MUSK: variants seen among roughly 807,000 people sequenced by gnomAD.
MUSK encodes muscle associated receptor tyrosine kinase, also known as muscle, skeletal receptor tyrosine-protein kinase.
MUSK carries 55 observed loss-of-function variants against 88.7 expected under a neutral mutation model. That is an observed-to-expected ratio of 0.62 (90% CI 0.50 to 0.78). The LOEUF (loss-of-function observed/expected upper bound fraction) is 0.78. Among genes scored for constraint, MUSK ranks in the 30% least tolerant of loss-of-function variants. The probability of loss-of-function intolerance (pLI) is 0.00; values close to 1 mark genes in which losing one functional copy is unlikely to be tolerated. For synonymous variants in MUSK, 387 were observed against 391.9 expected, an observed-to-expected ratio of 0.99 and a Z score of 0.15; for missense variants, 1,015 against 1,074.3, an observed-to-expected ratio of 0.94 and a Z score of 0.77.
intron 5 of MUSK, among the ~76,000 whole-genome samples, chr9:110,731,639 C>G (rs1001415923): frequency 6.6e-6 from 1 of 152,034 alleles, no homozygotes; most frequent in African/African-American, 2.4e-5. Flanking sequence ...CTATCTGCCC[C>G]CTTCAGGGAG....
intron 5 of MUSK, among the ~76,000 whole-genome samples, chr9:110,704,929 G>A (rs1458240027): frequency 6.7e-6 from 1 of 149,390 alleles, no homozygotes; most frequent in Non-Finnish European, 1.5e-5. Flanking sequence ...AGGTTGCAGT[G>A]AGCAGAGATT....
intron 1 of MUSK, among the ~76,000 whole-genome samples, chr9:110,681,061 A>ATATAT (rs1564209626): frequency 2.1e-4 from 5 of 24,164 alleles, no homozygotes; most frequent in East Asian, 6.1e-4. Context: ...TATATATTAT[A>ATATAT]TATATAATAT....
intron 3 of MUSK, among the ~76,000 whole-genome samples, chr9:110,689,908 TAAAA>T (rs1274848123): frequency 1.1e-5 from 1 of 88,590 alleles, no homozygotes; most frequent in Non-Finnish European, 2.0e-5. Flanking sequence ...TAAATATACA[TAAAA>T]ATACATATTT....
chr9:110,690,810 A>G (rs1197764483), intron 3 of MUSK, among the ~76,000 whole-genome samples: 1 of 119,674 alleles, frequency 8.4e-6, no homozygotes, highest in Non-Finnish European at 1.6e-5. Context: ...ATATATTTAA[A>G]TATAAGTATA....
rs1491367772 is a variant in MUSK at position 110,775,668 on chromosome 9, GCT to G, written c.1185-119_1185-118del. ...AGTAAAAAGTTTCTTTCATAAACGC[GCT>G]TTTTTCAAGAACAATTTACCATGAT... On this transcript the variant is annotated intron_variant, in intron 9 of 14. Coordinates refer to ENST00000374448, the MANE Select transcript of MUSK (RefSeq NM_005592.4). The G allele has an allele frequency of 3.3e-6, 3 of 900,796 alleles. No homozygotes were observed. The African/African-American group carries it at 5.0e-5, about 15-fold the overall frequency. The allele number at this position is 900,796 out of a possible 1,614,324, so 55.8% of individuals were successfully genotyped here.
intron 6 of MUSK, among the ~76,000 whole-genome samples, chr9:110,743,993 G>A (rs1034451128): frequency 3.3e-5 from 5 of 150,826 alleles, no homozygotes; most frequent in African/African-American, 1.2e-4. Flanking sequence ...CCCCAAGATG[G>A]AGTCTTGCTC....
intron 6 of MUSK, among the ~76,000 whole-genome samples, chr9:110,734,728 G>A (rs148014621): frequency 1.8e-3 from 269 of 152,168 alleles, no homozygotes; most frequent in African/African-American, 4.9e-3. Context: ...AAAGTAATCC[G>A]GAGTTAGAAT....
intron 7 of MUSK, among the ~76,000 whole-genome samples, chr9:110,751,883 A>G (rs976799411): frequency 6.6e-6 from 1 of 152,200 alleles, no homozygotes; most frequent in Admixed American, 6.5e-5. Flanking sequence ...GAGTCAAGTA[A>G]AGAAATGAGA....
chr9:110,688,267 CT>C (rs558638029), intron 3 of MUSK, among the ~76,000 whole-genome samples: 2 of 152,088 alleles, frequency 1.3e-5, no homozygotes, highest in South Asian at 4.2e-4. Flanking sequence ...TGCAATTACC[CT>C]AAGAAATTTT....
chr9:110,672,923 C>T (rs1427048507), intron 1 of MUSK, among the ~76,000 whole-genome samples: 1 of 152,084 alleles, frequency 6.6e-6, no homozygotes, highest in Admixed American at 6.6e-5. Context: ...TTCTTCGGGT[C>T]CAGAAAAGGA....
intron 9 of MUSK, among the ~76,000 whole-genome samples, chr9:110,774,634 G>A (rs1280828637): frequency 2.0e-5 from 3 of 152,154 alleles, no homozygotes; most frequent in Admixed American, 2.0e-4. Flanking sequence ...ACTCTCCTCA[G>A]GTCCTTTACC....
At chr9:110,679,404 G>A (rs1488020130) in intron 1 of MUSK, among the ~76,000 whole-genome samples, 1 of 151,172 alleles carries the variant, frequency 6.6e-6, no homozygotes, top group African/African-American at 2.4e-5. Flanking sequence ...CACTTTCTTT[G>A]GGATATCGTT....
intron 5 of MUSK, among the ~76,000 whole-genome samples, chr9:110,706,936 G>C (rs967236164): frequency 1.3e-5 from 2 of 152,044 alleles, no homozygotes; most frequent in African/African-American, 4.8e-5. Flanking sequence ...CCTGGGAGGT[G>C]GAGGTTGCAG....
intron 5 of MUSK, among the ~76,000 whole-genome samples, chr9:110,698,177 G>A (rs2076457993): frequency 6.6e-6 from 1 of 152,084 alleles, no homozygotes; most frequent in African/African-American, 2.4e-5. Flanking sequence ...CGAATAAACT[G>A]AGTACAAACC....
At chr9:110,789,443 G>A (rs528113884) in intron 14 of MUSK, among the ~76,000 whole-genome samples, 1 of 152,348 alleles carries the variant, frequency 6.6e-6, no homozygotes, top group East Asian at 1.9e-4. Flanking sequence ...ATACTCAGAA[G>A]GAACAGGTTC....
At chr9:110,758,411 A>AT (rs375426910) in intron 7 of MUSK, among the ~76,000 whole-genome samples, 4 of 152,350 alleles carry the variant, frequency 2.6e-5, no homozygotes, top group Non-Finnish European at 5.9e-5. Context: ...CCATTCTGCC[A>AT]AAACCTGATA....
chr9:110,676,364 T>TATATATATATATATATA (rs777356764), intron 1 of MUSK, among the ~76,000 whole-genome samples: 6 of 124,306 alleles, frequency 4.8e-5, no homozygotes, highest in African/African-American at 1.6e-4. Flanking sequence ...TATTATATAT[T>TATATATATATATATATA]ATATATGTGT....
chr9:110,800,955 G>C lies in MUSK; in HGVS notation c.2577G>C (p.Met859Ile). The change falls in exon 15 of 15, where the codon ATG becomes ATC. Residue 859 changes from methionine to isoleucine, a missense_variant. By Grantham distance (10) the Met-to-Ile change is conservative (BLOSUM62 1). Coordinates refer to ENST00000374448, the MANE Select transcript of MUSK (RefSeq NM_005592.4). ...FTSIHRILER[M>I]CERAEGTVSV ...GTATTCACCGAATTCTGGAACGCAT[G>C]TGTGAGAGGGCAGAGGGAACTGTGA... 1 of 1,522,544 alleles carries C rather than the reference G, an allele frequency of 6.6e-7. No homozygotes were observed. The highest frequency in any genetic ancestry group is 8.8e-7 in the Non-Finnish European group (1 of 1,137,226). 94.3% of individuals were successfully genotyped at this position (1,522,544 alleles called of 1,614,324 possible). A position where few individuals can be genotyped will look rare whatever the true frequency, so the allele number is the denominator to read the frequency against.
chr9:110,734,450 G>A (rs1338823037), intron 6 of MUSK, 75 bp downstream of exon 6: 2 of 1,585,324 alleles, frequency 1.3e-6, no homozygotes, highest in African/African-American at 2.7e-5. Flanking sequence ...CCATATAGTT[G>A]TAGTTACCCA....
Sources: allele counts gnomAD v4.1 joint callset (sites outside exome capture counted in the v4.1 genomes callset), GRCh38; gene constraint gnomAD v4.1.1; transcripts MANE v1.5; gene names NCBI Gene and HGNC (gene_info 2026-07-23, HGNC 2026-07-21).